The following PTPRD variants were observed in gnomAD, a reference collection of about 807,000 sequenced individuals.
PTPRD encodes receptor-type tyrosine-protein phosphatase delta.
In PTPRD, 34 loss-of-function variants were observed where a neutral mutation model predicts 214.5. The ratio of observed to expected loss-of-function variants is 0.16; its 90% confidence interval spans 0.12 to 0.21. The LOEUF (loss-of-function observed/expected upper bound fraction) is 0.21. Among genes scored for constraint, PTPRD ranks in the 10% least tolerant of loss-of-function variants. The pLI is 1.00. For synonymous variants in PTPRD, 1,128 were observed against 845.7 expected, an observed-to-expected ratio of 1.33 and a Z score of -5.79; for missense variants, 2,545 against 2,398.7, an observed-to-expected ratio of 1.06 and a Z score of -1.27.
At chr9:8,453,109 T>G (rs2096026077) in intron 33 of PTPRD, among the ~76,000 whole-genome samples, 1 of 152,180 alleles carries the variant, frequency 6.6e-6, no homozygotes, top group Non-Finnish European at 1.5e-5. Flanking sequence ...TGTCTAAGTT[T>G]TGGTTCAACT....
intron 8 of PTPRD, among the ~76,000 whole-genome samples, chr9:9,571,950 AAACGATAT>A (rs2086580801): frequency 6.6e-6 from 1 of 151,324 alleles, no homozygotes; most frequent in Non-Finnish European, 1.5e-5. Flanking sequence ...GTAAAAGTTT[AAACGATAT>A]TATGGTTTAG....
chr9:8,854,682 C>G (rs1012522643), intron 11 of PTPRD, among the ~76,000 whole-genome samples: 1 of 152,136 alleles, frequency 6.6e-6, no homozygotes, highest in African/African-American at 2.4e-5. Context: ...ATGTATAGTG[C>G]GTCTTCAGTC....
At chr9:10,431,295 T>C (rs1282778265) in intron 2 of PTPRD, among the ~76,000 whole-genome samples, 2 of 152,054 alleles carry the variant, frequency 1.3e-5, no homozygotes, top group African/African-American at 4.8e-5. Context: ...CAAGATGGAT[T>C]AAAGACTTAA....
At chr9:9,858,327 G>C (rs1480075898) in intron 5 of PTPRD, among the ~76,000 whole-genome samples, 1 of 152,194 alleles carries the variant, frequency 6.6e-6, no homozygotes, top group Non-Finnish European at 1.5e-5. Context: ...AAACATATCT[G>C]ATTTTAGAGA....
At chr9:8,911,415 T>TGTGTTG (rs1555510111) in intron 11 of PTPRD, among the ~76,000 whole-genome samples, 5 of 127,732 alleles carry the variant, frequency 3.9e-5, no homozygotes, top group African/African-American at 1.3e-4. Context: ...TGTGTGTGTG[T>TGTGTTG]TGTGTGTGTG....
intron 11 of PTPRD, among the ~76,000 whole-genome samples, chr9:8,786,333 T>C (rs1287611086): frequency 6.6e-6 from 1 of 152,032 alleles, no homozygotes; most frequent in Non-Finnish European, 1.5e-5. Context: ...TTATTTCTAT[T>C]TTTGCAGGTA....
chr9:10,086,717 T>C (rs145301308), intron 3 of PTPRD, among the ~76,000 whole-genome samples: 2,529 of 151,886 alleles, frequency 0.017, 77 homozygotes, highest in African/African-American at 0.057. Context: ...AATCCATTCA[T>C]TATTATATCT....
intron 3 of PTPRD, among the ~76,000 whole-genome samples, chr9:10,108,237 C>T (rs1435743172): frequency 6.6e-6 from 1 of 152,004 alleles, no homozygotes; most frequent in Admixed American, 6.6e-5. Flanking sequence ...AGCATGATGT[C>T]TCGATATACA....
chr9:10,057,719 T>G (rs750398820), intron 3 of PTPRD, among the ~76,000 whole-genome samples: 1 of 151,878 alleles, frequency 6.6e-6, no homozygotes, highest in Non-Finnish European at 1.5e-5. Flanking sequence ...TGCACGTGTC[T>G]GTAGTCCCAG....
chr9:8,591,105 C>G (rs147117567), intron 14 of PTPRD, among the ~76,000 whole-genome samples: 137 of 152,296 alleles, frequency 9.0e-4, no homozygotes, highest in African/African-American at 3.1e-3. Context: ...ACACTGACTC[C>G]TCTGCCTCCA....
intron 3 of PTPRD, among the ~76,000 whole-genome samples, chr9:10,265,454 G>A (rs1254852807): frequency 2.6e-5 from 4 of 152,190 alleles, no homozygotes; most frequent in African/African-American, 4.8e-5. Context: ...TAACTGCTCT[G>A]CTGAGTTGAA....
intron 11 of PTPRD, among the ~76,000 whole-genome samples, chr9:8,929,931 GTATA>G: frequency 7.0e-6 from 1 of 143,314 alleles, no homozygotes. Context: ...ATATATATGT[GTATA>G]TATATATGTG....
intron 2 of PTPRD, among the ~76,000 whole-genome samples, chr9:10,343,309 A>C (rs1161940007): frequency 6.6e-6 from 1 of 152,028 alleles, no homozygotes; most frequent in South Asian, 2.1e-4. Flanking sequence ...ACATGAACTC[A>C]TCCTTTTTTA....
chr9:9,437,312 A>G (rs2085667284), intron 8 of PTPRD, among the ~76,000 whole-genome samples: 1 of 152,050 alleles, frequency 6.6e-6, no homozygotes, highest in South Asian at 2.1e-4. Context: ...ATGTATTATT[A>G]CTTATTTTAC....
chr9:10,503,595 G>C (rs1002017934), intron 2 of PTPRD, among the ~76,000 whole-genome samples: 6 of 151,984 alleles, frequency 3.9e-5, no homozygotes, highest in African/African-American at 1.5e-4. Context: ...ATTTTTGAGA[G>C]ACTACTTTGG....
At position 8,528,628 on chromosome 9, in the gene PTPRD, T is replaced by C. The variant is rs1043320948; in HGVS notation, c.504A>G (p.Thr168=). 3 of 1,613,756 alleles carry C rather than the reference T, an allele frequency of 1.9e-6. No individual in the cohort carries two copies. The highest frequency in any genetic ancestry group is 2.5e-6 in the Non-Finnish European group (3 of 1,179,734). ...GCTTAATACGACCATTGTTGTTGCT[T>C]GTGTCCACAGGTAAGAAATCTTTAA... ...TWFKDFLPVD[T]SNNNGRIKQL... Residue 168 remains threonine, a synonymous_variant, in exon 15 of 46, where the codon ACA becomes ACG. Transcript: ENST00000381196.
intron 3 of PTPRD, among the ~76,000 whole-genome samples, chr9:10,098,669 C>T (rs1278951052): frequency 1.3e-5 from 2 of 151,576 alleles, no homozygotes; most frequent in Non-Finnish European, 3.0e-5. Flanking sequence ...ACATTAGTTA[C>T]TTCAAGTAAC....
chr9:8,449,823 G>C lies in PTPRD; in HGVS notation c.3890C>G (p.Ser1297Cys), dbSNP rs747185538. Residue 1297 changes from serine to cysteine, a missense_variant, in exon 34 of 46, where the codon TCC (serine) becomes TGC (cysteine). Ser to Cys is a moderately radical substitution (Grantham distance 112, BLOSUM62 -1). Transcript: ENST00000381196. ...ILLYKRKRAE[S>C]DSRKSSIPNN... ...CGGTATGCTGCTTTTTCTAGAGTCG[G>C]ACTCTGCCCTCTTCCTATAGGGGGA... The C allele has an allele frequency of 6.2e-7, 1 of 1,613,918 alleles. No homozygotes were observed. The highest frequency in any genetic ancestry group is 2.2e-5 in the East Asian group (1 of 44,866).
intron 10 of PTPRD, among the ~76,000 whole-genome samples, chr9:9,074,042 A>G (rs324484): frequency 0.59 from 89,836 of 151,890 alleles, 27,461 homozygotes; most frequent in Non-Finnish European, 0.67. Context: ...CACACCTAAG[A>G]TTTCATTAAA....
Sources: allele counts gnomAD v4.1 joint callset (sites outside exome capture counted in the v4.1 genomes callset), GRCh38; gene constraint gnomAD v4.1.1; transcripts MANE v1.5; gene names NCBI Gene and HGNC (gene_info 2026-07-23, HGNC 2026-07-21).